Variants in SUPT3H observed in about 807,000 individuals in gnomAD.
SUPT3H encodes the protein transcription initiation protein SPT3 homolog.
SUPT3H carries 44 observed loss-of-function variants against 44.3 expected under a neutral mutation model. The ratio of observed to expected loss-of-function variants is 0.99; its 90% confidence interval spans 0.78 to 1.28. SUPT3H has a LOEUF of 1.28. Among genes scored for constraint, SUPT3H ranks in the 50% most tolerant of loss-of-function variants. SUPT3H has a pLI of 0.00. For missense variants in SUPT3H, 380 were observed against 387.1 expected, an observed-to-expected ratio of 0.98 and a Z score of 0.15; for synonymous variants, 124 against 125.6, an observed-to-expected ratio of 0.99 and a Z score of 0.09.
intron 3 of SUPT3H, among the ~76,000 whole-genome samples, chr6:45,038,837 T>C (rs1400606933): frequency 6.6e-6 from 1 of 152,174 alleles, no homozygotes; most frequent in Non-Finnish European, 1.5e-5. Context: ...AGGACTAATT[T>C]GGCAATTCAT....
intron 6 of SUPT3H, among the ~76,000 whole-genome samples, chr6:44,986,664 T>C (rs561624022): frequency 6.6e-6 from 1 of 152,280 alleles, no homozygotes; most frequent in East Asian, 1.9e-4. Flanking sequence ...GTGGTTATTA[T>C]GAAATTTCTG....
chr6:45,040,219 C>T (rs772145453), intron 3 of SUPT3H, among the ~76,000 whole-genome samples: 11 of 152,144 alleles, frequency 7.2e-5, no homozygotes, highest in Non-Finnish European at 1.3e-4. Flanking sequence ...TCTGACAAAA[C>T]TCTATTTACG....
chr6:44,930,525 A>C (rs1770406556), intron 10 of SUPT3H, among the ~76,000 whole-genome samples: 1 of 149,494 alleles, frequency 6.7e-6, no homozygotes, highest in African/African-American at 2.5e-5. Context: ...GATCGTACCA[A>C]TGCACTCCAG....
intron 7 of SUPT3H, among the ~76,000 whole-genome samples, chr6:44,958,580 A>C (rs1775550799): frequency 1.3e-5 from 2 of 152,128 alleles, no homozygotes; most frequent in African/African-American, 4.8e-5. Context: ...TCCCCATATA[A>C]GGGGGGACCT....
chr6:45,160,524 A>T (rs62436780), intron 2 of SUPT3H, among the ~76,000 whole-genome samples: 34,185 of 152,062 alleles, frequency 0.22, 4,533 homozygotes, highest in Non-Finnish European at 0.31. Flanking sequence ...CTGAAACTAA[A>T]AATATTGTTT....
At chr6:44,942,718 G>A (rs756755105) in intron 9 of SUPT3H, among the ~76,000 whole-genome samples, 4 of 152,114 alleles carry the variant, frequency 2.6e-5, no homozygotes, top group East Asian at 3.9e-4. Flanking sequence ...GTGCCGTCAC[G>A]TATGGCTTTC....
chr6:45,213,675 TTAA>T (rs1562705846), intron 2 of SUPT3H, among the ~76,000 whole-genome samples: 1 of 152,086 alleles, frequency 6.6e-6, no homozygotes, highest in Non-Finnish European at 1.5e-5. Context: ...CCTACGATAA[TTAA>T]TCAATCAAAT....
intron 11 of SUPT3H, among the ~76,000 whole-genome samples, chr6:44,812,734 T>C (rs2153402929): frequency 6.6e-6 from 1 of 152,278 alleles, no homozygotes; most frequent in East Asian, 1.9e-4. Flanking sequence ...ATTTGCCAAT[T>C]AACTGTGAGA....
intron 3 of SUPT3H, among the ~76,000 whole-genome samples, chr6:45,084,528 A>G (rs1796242721): frequency 6.6e-6 from 1 of 152,228 alleles, no homozygotes; most frequent in African/African-American, 2.4e-5. Flanking sequence ...AATGTAAAGT[A>G]GTTCAACCAC....
intron 2 of SUPT3H, among the ~76,000 whole-genome samples, chr6:45,202,788 G>A (rs1762637359): frequency 6.6e-6 from 1 of 152,014 alleles, no homozygotes; most frequent in African/African-American, 2.4e-5. Context: ...ATGAACTAAA[G>A]AGCAAATTGA....
chr6:45,024,088 G>GT (rs953573804), intron 3 of SUPT3H, among the ~76,000 whole-genome samples: 1 of 151,860 alleles, frequency 6.6e-6, no homozygotes, highest in Admixed American at 6.6e-5. Flanking sequence ...TAGCATTTCT[G>GT]TTTTTTTCTG....
At chr6:45,040,148 C>A (rs932747447) in intron 3 of SUPT3H, among the ~76,000 whole-genome samples, 1 of 152,106 alleles carries the variant, frequency 6.6e-6, no homozygotes, top group African/African-American at 2.4e-5. Flanking sequence ...TCTATTCAAC[C>A]CCAAGGTTGT....
At chr6:45,281,550 G>A (rs967968883) in intron 2 of SUPT3H, among the ~76,000 whole-genome samples, 20 of 152,246 alleles carry the variant, frequency 1.3e-4, no homozygotes, top group African/African-American at 3.9e-4. Flanking sequence ...GGGGAGGGGC[G>A]CCCACCATTG....
intron 10 of SUPT3H, among the ~76,000 whole-genome samples, chr6:44,900,388 C>T (rs1764788713): frequency 1.3e-5 from 2 of 152,228 alleles, no homozygotes; most frequent in Non-Finnish European, 2.9e-5. Context: ...CTGCGCCTGG[C>T]TCGGAGGGTC....
intron 2 of SUPT3H, among the ~76,000 whole-genome samples, chr6:45,182,562 T>G (rs1813472871): frequency 1.3e-5 from 2 of 152,222 alleles, no homozygotes; most frequent in African/African-American, 4.8e-5. Flanking sequence ...GCACCTGGCC[T>G]GCCTTTCTTT....
intron 2 of SUPT3H, among the ~76,000 whole-genome samples, chr6:45,206,557 T>A (rs2153628499): frequency 6.6e-6 from 1 of 152,198 alleles, no homozygotes; most frequent in East Asian, 1.9e-4. Context: ...AAAAAAAATC[T>A]AATTTAAATA....
At chr6:45,228,743 A>G (rs1767397254) in intron 2 of SUPT3H, among the ~76,000 whole-genome samples, 1 of 152,020 alleles carries the variant, frequency 6.6e-6, no homozygotes, top group Non-Finnish European at 1.5e-5. Flanking sequence ...CCGCCCCCAG[A>G]GTTCAGGTGA....
chr6:45,150,194 T>C (rs903927706), intron 2 of SUPT3H, among the ~76,000 whole-genome samples: 1 of 152,132 alleles, frequency 6.6e-6, no homozygotes, highest in Non-Finnish European at 1.5e-5. Flanking sequence ...AATTAGGATA[T>C]AAGAAAATTA....
intron 5 of SUPT3H, among the ~76,000 whole-genome samples, chr6:45,007,044 A>G (rs1782814847): frequency 6.6e-6 from 1 of 152,158 alleles, no homozygotes; most frequent in Non-Finnish European, 1.5e-5. Context: ...AGCACTATAG[A>G]CAGATATCTT....
Sources: allele counts gnomAD v4.1 joint callset (sites outside exome capture counted in the v4.1 genomes callset), GRCh38; gene constraint gnomAD v4.1.1; transcripts MANE v1.5; gene names NCBI Gene and HGNC (gene_info 2026-07-23, HGNC 2026-07-21).